Variants in EFCAB13 observed in about 807,000 individuals in gnomAD.
EFCAB13 encodes EF-hand calcium binding domain 13.
In EFCAB13, 91 loss-of-function variants were observed where a neutral mutation model predicts 110.2. The observed-to-expected ratio is 0.83, with a 90% CI of 0.70 to 0.98. The LOEUF is 0.98. Among genes scored for constraint, EFCAB13 ranks in the 50% least tolerant of loss-of-function variants. The pLI is 0.00. For missense variants in EFCAB13, 968 were observed against 1,119.4 expected (o/e 0.86, Z 1.93); for synonymous variants, 323 against 369.9 (o/e 0.87, Z 1.45).
At chr17:47,392,997 G>A (rs72825690) in intron 15 of EFCAB13, among the ~76,000 whole-genome samples, 13,357 of 152,138 alleles carry the variant, frequency 0.088, 842 homozygotes, top group East Asian at 0.35. Flanking sequence ...AGATATTATA[G>A]AAGTTTTCCA....
At chr17:47,436,875 C>G (rs1905226282) in intron 24 of EFCAB13, among the ~76,000 whole-genome samples, 1 of 151,592 alleles carries the variant, frequency 6.6e-6, no homozygotes, top group Non-Finnish European at 1.5e-5. Flanking sequence ...TCAGTTTGTG[C>G]TCTTTCAGTC....
At chr17:47,380,771 T>G (rs2065642853) in intron 14 of EFCAB13, among the ~76,000 whole-genome samples, 1 of 152,196 alleles carries the variant, frequency 6.6e-6, no homozygotes, top group Admixed American at 6.5e-5. Context: ...TGATCGCCAT[T>G]CTAACTGGCA....
intron 16 of EFCAB13, 143 bp downstream of exon 16, chr17:47,394,242 C>A: frequency 2.0e-6 from 1 of 501,332 alleles, no homozygotes; most frequent in Non-Finnish European, 3.6e-6. Flanking sequence ...CTTCCTGCTG[C>A]TATATTTGGC....
intron 5 of EFCAB13, among the ~76,000 whole-genome samples, chr17:47,335,745 C>A (rs2035476254): frequency 6.6e-6 from 1 of 152,154 alleles, no homozygotes; most frequent in African/African-American, 2.4e-5. Flanking sequence ...CATATCTTCA[C>A]AAGGCCAGCA....
In EFCAB13 at chr17:47,340,979, T is replaced by G. The variant is rs533409033; in HGVS notation, c.192-942T>G. ...GCTGCTAATACCACAAATAGCCAAT[T>G]GGACATTATGTGCTTCCTGATGGAA... is the stretch of plus-strand genomic sequence containing the variant. On this transcript the variant is annotated intron_variant, in intron 5 of 24. Transcript: ENST00000331493. Among the ~76,000 whole-genome samples, 8 of 152,046 alleles carry G rather than the reference T, an allele frequency of 5.3e-5. No homozygotes were observed. In the South Asian group the frequency reaches 1.7e-3, roughly 32 times the overall value.
intron 23 of EFCAB13, among the ~76,000 whole-genome samples, chr17:47,423,939 C>T (rs766902907): frequency 1.1e-4 from 16 of 151,942 alleles, no homozygotes; most frequent in Non-Finnish European, 1.9e-4. Context: ...TCCGTCTACG[C>T]GCTCAGCCCC....
intron 9 of EFCAB13, among the ~76,000 whole-genome samples, chr17:47,355,653 A>G (rs2065476602): frequency 6.7e-6 from 1 of 150,230 alleles, no homozygotes; most frequent in South Asian, 2.1e-4. Flanking sequence ...GCTTACTGCA[A>G]CCTCTGCCTC....
chr17:47,404,587 C>T lies in EFCAB13; in HGVS notation c.2187C>T (p.Asp729=). 6.2e-7 allele frequency: 1 copy of T among 1,612,616 alleles called. No individual in the cohort carries two copies. Among genetic ancestry groups the T allele is most frequent in the Non-Finnish European group, 8.5e-7 (1 of 1,179,228 alleles). ...AAGATAACATGGTGAACATTAAAGA[C>T]TGTATGAGGGCTTTGAGGGACACCC... The part of the protein sequence containing the change: ...VSEDNMVNIK[D]CMRALRDTQK... Residue 729 remains aspartate (D), a synonymous_variant, in exon 20 of 25, where the codon GAC becomes GAT. Transcript: ENST00000331493.
intron 14 of EFCAB13, among the ~76,000 whole-genome samples, chr17:47,384,807 G>A (rs1047411696): frequency 7.3e-5 from 11 of 151,316 alleles, no homozygotes; most frequent in Non-Finnish European, 1.5e-4. Context: ...GTCTCGCTCT[G>A]TTGCCCAGGC....
chr17:47,328,441 A>G, intron 4 of EFCAB13, 58 bp downstream of exon 4: 1 of 1,354,774 alleles, frequency 7.4e-7, no homozygotes, highest in South Asian at 1.3e-5. Flanking sequence ...AAATTAGTTT[A>G]CATTACCTCA....
intron 23 of EFCAB13, among the ~76,000 whole-genome samples, chr17:47,418,167 C>T (rs968857714): frequency 6.6e-6 from 1 of 152,146 alleles, no homozygotes; most frequent in Non-Finnish European, 1.5e-5. Context: ...TTATCTTTTC[C>T]CTTCAAGGCT....
At chr17:47,344,470 C>T (rs1413445032) in intron 7 of EFCAB13, among the ~76,000 whole-genome samples, 178 bp downstream of exon 7, 1 of 152,022 alleles carries the variant, frequency 6.6e-6, no homozygotes. Context: ...GATTTGAGTC[C>T]GATTGACCTA....
intron 14 of EFCAB13, among the ~76,000 whole-genome samples, chr17:47,384,155 T>G (rs1175929407): frequency 3.3e-5 from 5 of 151,290 alleles, no homozygotes; most frequent in Admixed American, 6.6e-5. Flanking sequence ...GTTTTTTTTT[T>G]TTGTTTTTTT....
intron 11 of EFCAB13, among the ~76,000 whole-genome samples, chr17:47,370,734 GT>G (rs1567790272): frequency 4.6e-5 from 4 of 87,620 alleles, no homozygotes; most frequent in Admixed American, 2.1e-4. Flanking sequence ...TGTTGTTGTT[GT>G]TTGTTTTTTT....
chr17:47,404,681 A>AGAGATGCC, intron 20 of EFCAB13, 48 bp downstream of exon 20: 1 of 1,420,152 alleles, frequency 7.0e-7, no homozygotes, highest in African/African-American at 1.4e-5. Context: ...TACAGAACTT[A>AGAGATGCC]TTCAAAGTTC....
At chr17:47,387,999 T>A (rs759710334) in intron 14 of EFCAB13, among the ~76,000 whole-genome samples, 5 of 152,186 alleles carry the variant, frequency 3.3e-5, no homozygotes, top group African/African-American at 7.2e-5. Flanking sequence ...TGTCTATAGG[T>A]TCATGCTGAG....
chr17:47,373,451 T>C (rs1172493106), intron 11 of EFCAB13, among the ~76,000 whole-genome samples: 1 of 152,192 alleles, frequency 6.6e-6, no homozygotes, highest in Non-Finnish European at 1.5e-5. Context: ...GGGTCAGCTA[T>C]CAGGAGATTA....
chr17:47,400,446 C>T (rs1232517878), intron 17 of EFCAB13, among the ~76,000 whole-genome samples: 1 of 152,188 alleles, frequency 6.6e-6, no homozygotes, highest in African/African-American at 2.4e-5. Context: ...GTTGTATGAA[C>T]CTAAGGATCA....
chr17:47,405,019 T>C (rs1181049170), intron 20 of EFCAB13, among the ~76,000 whole-genome samples: 1 of 152,168 alleles, frequency 6.6e-6, no homozygotes, highest in Non-Finnish European at 1.5e-5. Context: ...CTATGAAGCT[T>C]TGGTAAATAT....
Sources: gnomAD v4.1 joint callset for allele counts (sites outside exome capture counted in the v4.1 genomes callset) on GRCh38, gnomAD v4.1.1 for gene constraint, MANE v1.5 for transcripts, NCBI Gene and HGNC (gene_info 2026-07-23, HGNC 2026-07-21) for gene names.